ABHD12: variants seen among roughly 807,000 people sequenced by gnomAD.
ABHD12 encodes the protein abhydrolase domain containing 12, lysophospholipase.
Under a neutral mutation model 58.3 loss-of-function variants are expected in ABHD12, and 43 were observed. The ratio of observed to expected loss-of-function variants is 0.74; its 90% CI spans 0.58 to 0.95. ABHD12 has a LOEUF of 0.95. Among genes scored for constraint, ABHD12 ranks in the 40% least tolerant of loss-of-function variants. ABHD12 has a pLI of 0.00. For missense variants in ABHD12, 539 were observed against 537.2 expected (o/e 1.00, Z -0.03); for synonymous variants, 219 against 211.2 (o/e 1.04, Z -0.32).
intron 11 of ABHD12, 73 bp from the exon 12 acceptor site, chr20:25,302,419 G>A (rs986928377): frequency 2.0e-5 from 32 of 1,591,202 alleles, no homozygotes; most frequent in Non-Finnish European, 2.6e-5. Context: ...CACCAGCTTG[G>A]CAGCCTCCCC....
intron 1 of ABHD12, among the ~76,000 whole-genome samples, chr20:25,363,250 C>G (rs761340466): frequency 7.0e-6 from 1 of 143,804 alleles, no homozygotes; most frequent in African/African-American, 2.6e-5. Context: ...GAGACAGTCT[C>G]GCTCTGTTGC....
chr20:25,319,380 A>G (rs2089023502), intron 4 of ABHD12, among the ~76,000 whole-genome samples: 1 of 152,228 alleles, frequency 6.6e-6, no homozygotes, highest in South Asian at 2.1e-4. Context: ...TTAACCAAAG[A>G]GTGCATGAAC....
chr20:25,386,830 G>A (rs994538828), intron 1 of ABHD12, among the ~76,000 whole-genome samples: 2 of 151,908 alleles, frequency 1.3e-5, no homozygotes, highest in African/African-American at 2.4e-5. Flanking sequence ...GCAGTGACCC[G>A]AGATCGTGCC....
chr20:25,376,309 T>C (rs2089962233), intron 1 of ABHD12, among the ~76,000 whole-genome samples: 1 of 152,318 alleles, frequency 6.6e-6, no homozygotes. Flanking sequence ...TCTTAGCTTT[T>C]AGGCGGAAAT....
chr20:25,308,522 G>C, intron 7 of ABHD12, 28 bp from the exon 8 acceptor site: 1 of 1,598,646 alleles, frequency 6.3e-7, no homozygotes, highest in Non-Finnish European at 8.5e-7. Context: ...CAGCTTAGTT[G>C]AGTTATGATA....
chr20:25,380,733 C>T (rs1168032553), intron 1 of ABHD12, among the ~76,000 whole-genome samples: 1 of 152,174 alleles, frequency 6.6e-6, no homozygotes, highest in Admixed American at 6.5e-5. Context: ...CAGGTCCTGA[C>T]TCCTCTGTCC....
rs573378894 is a variant in ABHD12 at position 25,339,058 on chromosome 20, A to G, written c.316+169T>C. 5 of 1,397,892 alleles carry G rather than the reference A, an allele frequency of 3.6e-6. No homozygotes were observed. In the Admixed American group the frequency reaches 1.1e-4, roughly 30 times the overall value. 86.6% of individuals were successfully genotyped at this position (1,397,892 alleles called of 1,614,324 possible). ...CTCAATCTGGGTGGTAGCTCTACCT[A>G]TCTATCTCTAAAGATATAGGTATAT... On this transcript the variant is annotated intron_variant, in intron 2 of 12. Transcript: ENST00000339157.
At chr20:25,295,196 TAG>T (rs2088521268) in intron 12 of ABHD12, among the ~76,000 whole-genome samples, 1 of 152,236 alleles carries the variant, frequency 6.6e-6, no homozygotes. Context: ...AAATCCCAGT[TAG>T]ACTTAAGACG....
rs543803916 is a variant in ABHD12 at position 25,364,128 on chromosome 20, C to T, written c.192-24777G>A. On this transcript the variant is annotated intron_variant, in intron 1 of 12. Coordinates refer to ENST00000339157, the MANE Select transcript of ABHD12 (RefSeq NM_001042472.3). ...CCCAGGACCCTGCCTTTCAGCCTTCCGGGTCAAGGCCATACTAAGACTCTC... is the reference window on the plus strand; with the variant it reads ...CCCAGGACCCTGCCTTTCAGCCTTCTGGGTCAAGGCCATACTAAGACTCTC... Among the ~76,000 whole-genome samples the T allele has an allele frequency of 7.2e-5, 11 of 152,276 alleles. No individual in the cohort carries two copies. The East Asian group carries it at 1.9e-3, about 27-fold the overall frequency.
intron 2 of ABHD12, among the ~76,000 whole-genome samples, chr20:25,325,050 A>AT (rs1032017422): frequency 2.0e-5 from 3 of 151,990 alleles, no homozygotes; most frequent in Non-Finnish European, 2.9e-5. Flanking sequence ...TACAAAAAAT[A>AT]TAAAAATTAC....
downstream of ABHD12, among the ~76,000 whole-genome samples, chr20:25,299,104 A>C: frequency 6.6e-6 from 1 of 152,212 alleles, no homozygotes; most frequent in Admixed American, 6.5e-5. Context: ...GTTTTGTAAA[A>C]AAGACACTAG....
At chr20:25,323,454 A>G in intron 2 of ABHD12, 24 bp from the exon 3 acceptor site, 1 of 1,444,572 alleles carries the variant, frequency 6.9e-7, no homozygotes, top group Non-Finnish European at 9.8e-7. Flanking sequence ...AGAGATGGAA[A>G]TTAGGATTAC....
chr20:25,349,665 A>T (rs965154828), intron 1 of ABHD12, among the ~76,000 whole-genome samples: 1 of 152,222 alleles, frequency 6.6e-6, no homozygotes, highest in Admixed American at 6.5e-5. Flanking sequence ...ATATTATATG[A>T]TTCCATTTAT....
chr20:25,300,825 C>A lies in ABHD12; in HGVS notation c.*20G>T, dbSNP rs865996598. ...CGGGAGGAGGGCAGAGGTCTTCATG[C>A]TTCCTTCCCACGGCCAGGCTCAGTG... On this transcript the variant is annotated 3_prime_UTR_variant, in exon 13 of 13. Coordinates refer to ENST00000339157, the MANE Select transcript of ABHD12 (RefSeq NM_001042472.3). 9 of 1,613,982 alleles carry A rather than the reference C, an allele frequency of 5.6e-6. No individual in the cohort carries two copies. Among genetic ancestry groups the A allele is most frequent in the Middle Eastern group, 1.6e-4 (1 of 6,084 alleles).
chr20:25,318,909 G>A (rs1233792590), intron 4 of ABHD12, among the ~76,000 whole-genome samples: 1 of 152,176 alleles, frequency 6.6e-6, no homozygotes, highest in Non-Finnish European at 1.5e-5. Context: ...CACGGGCCAT[G>A]CCGCCAGGCT....
At chr20:25,301,107 G>C (rs1434722698) in intron 12 of ABHD12, among the ~76,000 whole-genome samples, 1 of 152,176 alleles carries the variant, frequency 6.6e-6, no homozygotes, top group Admixed American at 6.5e-5. Flanking sequence ...TGGAGACAAG[G>C]TCTCTGATTC....
intron 1 of ABHD12, among the ~76,000 whole-genome samples, chr20:25,344,125 T>C (rs151310575): frequency 2.5e-4 from 38 of 152,292 alleles, no homozygotes; most frequent in Admixed American, 1.4e-3. Flanking sequence ...TTCCTCAACT[T>C]GATAATATCT....
chr20:25,309,452 C>G lies in ABHD12; in HGVS notation c.743G>C (p.Gly248Ala). The G allele has an allele frequency of 6.2e-7, 1 of 1,614,114 alleles. No individual in the cohort carries two copies. The highest frequency in any genetic ancestry group is 2.2e-5 in the East Asian group (1 of 44,888). The part of the protein sequence containing the change: ...NPVYIWGHSL[G>A]TGVATNLVRR... ...TCCTGCTGGGGTCCCTTACCCAGTG[C>G]CCAGAGAGTGGCCCCAGATGTACAC... The change falls in exon 7 of 13, where the codon GGC becomes GCC. Residue 248 changes from glycine to alanine, a missense_variant. Transcript: ENST00000339157.
At chr20:25,381,065 A>G (rs4815414) in intron 1 of ABHD12, among the ~76,000 whole-genome samples, 82,121 of 151,798 alleles carry the variant, frequency 0.54, 22,783 homozygotes, top group Admixed American at 0.61. Flanking sequence ...TCTTGCCTGG[A>G]TGACCCTGGC....
Sources: gnomAD v4.1 joint callset for allele counts (sites outside exome capture counted in the v4.1 genomes callset) on GRCh38, gnomAD v4.1.1 for gene constraint, MANE v1.5 for transcripts, NCBI Gene and HGNC (gene_info 2026-07-23, HGNC 2026-07-21) for gene names.